Variants in TANC1 observed in about 807,000 individuals in gnomAD.
TANC1 encodes the protein tetratricopeptide repeat, ankyrin repeat and coiled-coil containing 1, also known as protein TANC1.
A neutral mutation model predicts 149.7 loss-of-function variants in TANC1; 77 were observed. That is an observed-to-expected ratio of 0.51 (90% CI 0.43 to 0.62). The LOEUF is 0.62. Among genes scored for constraint, TANC1 ranks in the 20% least tolerant of loss-of-function variants. The pLI is 0.00. For synonymous variants in TANC1, 854 were observed against 925.0 expected, an observed-to-expected ratio of 0.92 and a Z score of 1.39; for missense variants, 1,985 against 2,321.8, an observed-to-expected ratio of 0.85 and a Z score of 2.98.
intron 19 of TANC1, among the ~76,000 whole-genome samples, chr2:159,210,921 G>T (rs1447176899): frequency 4.0e-5 from 6 of 150,388 alleles, no homozygotes; most frequent in African/African-American, 1.5e-4. Context: ...GCCCAGGCTG[G>T]AGTACAATGG....
At chr2:159,130,490 G>A (rs1049879304) in intron 4 of TANC1, among the ~76,000 whole-genome samples, 26 of 152,088 alleles carry the variant, frequency 1.7e-4, no homozygotes, top group African/African-American at 6.0e-4. Flanking sequence ...GGAGTGTTCC[G>A]TATAGATGGC....
intron 2 of TANC1, among the ~76,000 whole-genome samples, chr2:159,059,837 G>A (rs2042100172): frequency 6.8e-6 from 1 of 147,560 alleles, no homozygotes; most frequent in East Asian, 2.0e-4. Context: ...TGTGTACAGG[G>A]TTTTCCATGA....
At chr2:159,044,596 T>C (rs540230719) in intron 2 of TANC1, among the ~76,000 whole-genome samples, 7 of 152,156 alleles carry the variant, frequency 4.6e-5, no homozygotes, top group Admixed American at 3.9e-4. Flanking sequence ...GAATGGTGCC[T>C]CCAATCCCAT....
At position 158,994,976 on chromosome 2, in the gene TANC1, C is replaced by T. The variant is rs376677341; in HGVS notation, c.-125-6104C>T. The stretch of plus-strand genomic sequence containing the variant: ...TCCAAAGTGGAAACATGGAAGGCTT[C>T]GAGCTGGACAGAGCTGAGTATAAAT... On this transcript the variant is annotated intron_variant, in intron 1 of 26. Coordinates refer to ENST00000263635, the MANE Select transcript of TANC1 (RefSeq NM_033394.3). Among the ~76,000 whole-genome samples, 10 of 152,318 alleles carry T rather than the reference C, an allele frequency of 6.6e-5. No homozygotes were observed. In the East Asian group the frequency reaches 1.3e-3, roughly 21 times the overall value.
At chr2:159,020,034 G>A (rs1168120150) in intron 2 of TANC1, among the ~76,000 whole-genome samples, 1 of 152,212 alleles carries the variant, frequency 6.6e-6, no homozygotes, top group Non-Finnish European at 1.5e-5. Context: ...TGAGAGGATT[G>A]TATCTTTTCA....
At chr2:159,005,785 A>G (rs1343297922) in intron 2 of TANC1, among the ~76,000 whole-genome samples, 1 of 152,076 alleles carries the variant, frequency 6.6e-6, no homozygotes, top group African/African-American at 2.4e-5. Flanking sequence ...TTCTGAGACC[A>G]CTACAAAAAC....
chr2:159,145,402 C>G (rs559259162), intron 5 of TANC1, among the ~76,000 whole-genome samples: 18 of 152,288 alleles, frequency 1.2e-4, no homozygotes, highest in Admixed American at 3.3e-4. Context: ...AGCTGTTTCT[C>G]ACACACATTG....
intron 4 of TANC1, among the ~76,000 whole-genome samples, chr2:159,112,242 T>C (rs2047800022): frequency 6.6e-6 from 1 of 152,084 alleles, no homozygotes; most frequent in African/African-American, 2.4e-5. Context: ...TGTTGGTTTG[T>C]TTTTTGTTTT....
intron 4 of TANC1, among the ~76,000 whole-genome samples, chr2:159,132,636 A>G (rs2050222612): frequency 3.3e-5 from 5 of 149,354 alleles, no homozygotes; most frequent in Admixed American, 2.0e-4. Flanking sequence ...CTACAGGCAC[A>G]TGCCACCACA....
At chr2:159,193,162 A>G (rs1324080240) in intron 16 of TANC1, among the ~76,000 whole-genome samples, 1 of 151,640 alleles carries the variant, frequency 6.6e-6, no homozygotes, top group African/African-American at 2.4e-5. Flanking sequence ...AGAAACCTTC[A>G]TTCTACTGTC....
In TANC1 at chr2:159,229,634, A is replaced by G. The variant is rs2060229632; in HGVS notation, c.4208A>G (p.Asn1403Ser). Reference sequence around the variant, plus strand: ...GAGGCTGTGAAACTCTGTCCCACCAATCAGGAAGTCAAGAGGCTTCTGGCC... The same window carrying G: ...GAGGCTGTGAAACTCTGTCCCACCAGTCAGGAAGTCAAGAGGCTTCTGGCC... ...LQEAVKLCPT[N>S]QEVKRLLARV... The change falls in exon 27 of 27, where the codon AAT (asparagine) becomes AGT (serine). Residue 1403 changes from asparagine to serine, a missense_variant. Physicochemically the swap from Asn to Ser is conservative, Grantham distance 46 (BLOSUM62 1). This residue lies in a region of TANC1 where 920 missense variants were observed against 994.7 expected (regional missense o/e 0.92). Coordinates refer to ENST00000263635, the MANE Select transcript of TANC1 (RefSeq NM_033394.3). 1.2e-6 allele frequency: 2 copies of G among 1,614,006 alleles called. No homozygotes were observed. Among genetic ancestry groups the G allele is most frequent in the African/African-American group, 1.3e-5 (1 of 75,038 alleles).
In TANC1 at chr2:159,230,785, G is replaced by A. The variant is rs371063922; in HGVS notation, c.5359G>A (p.Val1787Ile). Reference sequence around the variant, plus strand: ...TAATAACCAAGCCAAAACCTGTTCTGTTTCTACCCTGAGTGCAAGTGTCCA... The same window carrying A: ...TAATAACCAAGCCAAAACCTGTTCTATTTCTACCCTGAGTGCAAGTGTCCA... ...GYNNQAKTCS[V>I]STLSASVHNG... The change falls in exon 27 of 27, where the codon GTT becomes ATT. Residue 1787 changes from valine to isoleucine, a missense_variant. Val to Ile is a conservative substitution (Grantham distance 29). Around this residue, in one of 3 missense-constraint regions of TANC1, gnomAD observed 920 missense variants for 994.7 expected, o/e 0.92. Coordinates refer to ENST00000263635, the MANE Select transcript of TANC1 (RefSeq NM_033394.3). This position sits in a 1 kb window ranked among gnomAD's most constrained non-coding sequence, Gnocchi z 4.4. The A allele has an allele frequency of 1.2e-4, 195 of 1,614,160 alleles. No individual in the cohort carries two copies. In the Middle Eastern group the frequency reaches 1.8e-3, roughly 15 times the overall value.
At chr2:159,170,834 T>C (rs778161703) in intron 10 of TANC1, 29 bp downstream of exon 10, 1 of 1,604,572 alleles carries the variant, frequency 6.2e-7, no homozygotes, top group South Asian at 1.1e-5. Flanking sequence ...ACTTGTCTAG[T>C]TTATTAACAT....
intron 5 of TANC1, among the ~76,000 whole-genome samples, chr2:159,137,528 G>T (rs2050889206): frequency 1.3e-5 from 2 of 152,206 alleles, no homozygotes; most frequent in South Asian, 4.1e-4. Context: ...CTGAGGATTT[G>T]TGCACACCGA....
chr2:158,976,097 G>T (rs1455127013), intron 1 of TANC1, among the ~76,000 whole-genome samples: 1 of 152,306 alleles, frequency 6.6e-6, no homozygotes, highest in Non-Finnish European at 1.5e-5. Context: ...GCCTCCCAAA[G>T]TGCTGGGATT....
chr2:159,134,425 C>A (rs2050437359), intron 4 of TANC1, among the ~76,000 whole-genome samples: 1 of 152,144 alleles, frequency 6.6e-6, no homozygotes, highest in Admixed American at 6.5e-5. Flanking sequence ...CCACCTCAGC[C>A]TCCTGAGTAG....
intron 4 of TANC1, among the ~76,000 whole-genome samples, chr2:159,115,811 G>T (rs75624470): frequency 6.6e-6 from 1 of 152,184 alleles, no homozygotes; most frequent in East Asian, 1.9e-4. Context: ...TTCCAAGGTG[G>T]GCATTATTCC....
chr2:159,030,156 G>A (rs939024016), intron 2 of TANC1, among the ~76,000 whole-genome samples: 8 of 151,634 alleles, frequency 5.3e-5, no homozygotes, highest in South Asian at 2.1e-4. Context: ...ATTCCTTCCC[G>A]GGGTGAAAAA....
At position 159,135,589 on chromosome 2, in the gene TANC1, A is replaced by T. The variant is rs576844112; in HGVS notation, c.260-605A>T. 1.6e-4 allele frequency among the ~76,000 whole-genome samples: 24 copies of T among 152,368 alleles called. No homozygotes were observed. In the South Asian group the frequency reaches 5.0e-3, roughly 32 times the overall value. ...CTGTGGGAACAGGAGGTAGGAGATA[A>T]GCCTGTTGGTCTCTCCTATGTCTGA... On this transcript the variant is annotated intron_variant, in intron 4 of 26. Transcript: ENST00000263635.
Sources: gnomAD v4.1 joint callset for allele counts (sites outside exome capture counted in the v4.1 genomes callset) on GRCh38, gnomAD v4.1.1 for gene constraint, gnomAD v4.1.1 regional missense constraint, Gnocchi (gnomAD v3.1) non-coding constraint, MANE v1.5 for transcripts, NCBI Gene and HGNC (gene_info 2026-07-23, HGNC 2026-07-21) for gene names.